The following CELF2 variants were observed in gnomAD, a reference collection of about 807,000 sequenced individuals.
CELF2 encodes the protein CUGBP Elav-like family member 2, also known as CUG triplet repeat RNA-binding protein 2.
Under a neutral mutation model 62.6 loss-of-function variants are expected in CELF2, and 8 were observed. The observed-to-expected ratio is 0.13, with a 90% CI of 0.07 to 0.23. CELF2 has a LOEUF of 0.23. CELF2 is among the 10% of genes least tolerant of loss of function. The pLI, the probability that CELF2 is intolerant of heterozygous loss-of-function variation, is 1.00. For synonymous variants in CELF2, 258 were observed against 250.0 expected, an observed-to-expected ratio of 1.03 and a Z score of -0.30; for missense variants, 333 against 671.0, an observed-to-expected ratio of 0.50 and a Z score of 5.56.
intron 1 of CELF2, among the ~76,000 whole-genome samples, chr10:11,048,836 A>G (rs1220984396): frequency 6.6e-6 from 1 of 152,256 alleles, no homozygotes; most frequent in Non-Finnish European, 1.5e-5. Context: ...GTGTGTGTGC[A>G]CATAAGTGCA....
chr10:11,167,500 C>T (rs2067571057), intron 2 of CELF2, among the ~76,000 whole-genome samples: 1 of 152,218 alleles, frequency 6.6e-6, no homozygotes, highest in African/African-American at 2.4e-5. Flanking sequence ...CCGGGACTTT[C>T]AGCCATGGAA....
chr10:11,257,587 G>A lies in CELF2; in HGVS notation c.404-151G>A, dbSNP rs1364181076. 12 of 717,810 alleles carry A rather than the reference G, an allele frequency of 1.7e-5. No homozygotes were observed. In the Admixed American group the frequency reaches 3.3e-4, roughly 20 times the overall value. The allele number at this position is 717,810 out of a possible 1,614,324, so 44.5% of individuals were successfully genotyped here. On this transcript the variant is annotated intron_variant, in intron 4 of 12. Transcript: ENST00000633077. ...GAGTGGCAGGGTGGGGCGCATGGAGGGAGGAGGACAGCTGGACGTCTGCAG... is the reference window on the plus strand; with the variant it reads ...GAGTGGCAGGGTGGGGCGCATGGAGAGAGGAGGACAGCTGGACGTCTGCAG...
At chr10:11,132,982 GC>G (rs1296453949) in intron 1 of CELF2, among the ~76,000 whole-genome samples, 1 of 152,166 alleles carries the variant, frequency 6.6e-6, no homozygotes, top group African/African-American at 2.4e-5. Flanking sequence ...AGCAGGGATG[GC>G]AGCAATGTTT....
At chr10:11,081,292 A>G (rs889773906) in intron 1 of CELF2, among the ~76,000 whole-genome samples, 5 of 152,232 alleles carry the variant, frequency 3.3e-5, no homozygotes, top group Non-Finnish European at 7.3e-5. Context: ...AAAGACCAGC[A>G]GCCTAGGGGG....
chr10:11,325,016 C>G (rs949139892), intron 11 of CELF2, among the ~76,000 whole-genome samples: 4 of 152,116 alleles, frequency 2.6e-5, no homozygotes, highest in Non-Finnish European at 5.9e-5. Flanking sequence ...ACATGGTGCT[C>G]ATATGGGTGG....
At chr10:11,111,402 A>T (rs1330809085) in intron 1 of CELF2, among the ~76,000 whole-genome samples, 22 of 152,228 alleles carry the variant, frequency 1.4e-4, no homozygotes, top group Admixed American at 1.4e-3. Flanking sequence ...AGTTGTAGTT[A>T]AAAATGATTC....
chr10:10,952,989 G>C (rs1470086706), intron 2 of CELF2, among the ~76,000 whole-genome samples: 1 of 152,140 alleles, frequency 6.6e-6, no homozygotes, highest in Non-Finnish European at 1.5e-5. Context: ...AGTTGGTTCA[G>C]ATGTCTCCAT....
chr10:11,286,591 A>C (rs2091370479), intron 8 of CELF2, among the ~76,000 whole-genome samples: 1 of 152,198 alleles, frequency 6.6e-6, no homozygotes, highest in Non-Finnish European at 1.5e-5. Context: ...GGGCCAGGCA[A>C]TTTGCATATT....
chr10:10,935,421 A>G (rs978274169), intron 2 of CELF2: 1 of 152,226 alleles, frequency 6.6e-6, no homozygotes, highest in Non-Finnish European at 1.5e-5. Context: ...TTCCTATAAA[A>G]GAGCAGAGAT....
chr10:10,836,837 G>A (rs922416770), intron 1 of CELF2, among the ~76,000 whole-genome samples: 3 of 152,042 alleles, frequency 2.0e-5, no homozygotes, highest in South Asian at 2.1e-4. Flanking sequence ...GGGTTTCACC[G>A]CGTTAGCCAG....
Position 11,070,743 on chromosome 10 carries a change from G to A in CELF2, c.74+52580G>A, listed in dbSNP as rs372559387. 1.9e-3 allele frequency among the ~76,000 whole-genome samples: 294 copies of A among 152,308 alleles called. 1 individual carries two copies. The highest frequency in any genetic ancestry group is 6.5e-3 in the African/African-American group (270 of 41,558). ...AGACGGAGGAAGAACAGTGGCATGG[G>A]AGAAAACATGATACTGTGTGAAGGA... On this transcript the variant is annotated intron_variant, in intron 1 of 12. Transcript: ENST00000633077.
At chr10:10,483,520 C>T in the CELF2 span, among the ~76,000 whole-genome samples, 2 of 152,180 alleles carry the variant, frequency 1.3e-5, no homozygotes, top group African/African-American at 4.8e-5. Flanking sequence ...CAATTATTAT[C>T]TCCAAGATCT....
intron 5 of CELF2, among the ~76,000 whole-genome samples, chr10:11,262,275 T>C (rs2080883292): frequency 6.6e-6 from 1 of 152,162 alleles, no homozygotes; most frequent in South Asian, 2.1e-4. Context: ...CTTTTGACTA[T>C]TAAAACATGT....
chr10:10,563,209 G>A, the CELF2 span, among the ~76,000 whole-genome samples: 1 of 152,100 alleles, frequency 6.6e-6, no homozygotes, highest in African/African-American at 2.4e-5. Context: ...CTCTACTGAC[G>A]CTGCTGCCAC....
the CELF2 span, among the ~76,000 whole-genome samples, chr10:10,693,651 T>G: frequency 1.3e-5 from 2 of 151,610 alleles, no homozygotes; most frequent in African/African-American, 2.4e-5. Context: ...TGGACTCTTT[T>G]TGGTTGGTAA....
the CELF2 span, among the ~76,000 whole-genome samples, chr10:10,739,784 C>G: frequency 3.3e-5 from 5 of 152,196 alleles, no homozygotes; most frequent in African/African-American, 4.8e-5. Context: ...TCACAGCCAC[C>G]CTAACAGTTG....
the CELF2 span, among the ~76,000 whole-genome samples, chr10:10,643,028 C>G: frequency 6.6e-6 from 1 of 152,214 alleles, no homozygotes; most frequent in African/African-American, 2.4e-5. Context: ...TTGAGTTCTG[C>G]AGATAAGAAA....
intron 1 of CELF2, among the ~76,000 whole-genome samples, chr10:10,910,386 T>C (rs2063704200): frequency 6.6e-6 from 1 of 152,084 alleles, no homozygotes; most frequent in Non-Finnish European, 1.5e-5. Flanking sequence ...GAGATGTCAC[T>C]TTGTTCACAA....
chr10:10,895,449 A>G (rs112461512), intron 1 of CELF2, among the ~76,000 whole-genome samples: 13 of 152,322 alleles, frequency 8.5e-5, no homozygotes, highest in Admixed American at 3.3e-4. Flanking sequence ...TGTTGCTCAT[A>G]GCAAAATGAA....
Sources: gnomAD v4.1 joint callset for allele counts (sites outside exome capture counted in the v4.1 genomes callset) on GRCh38, gnomAD v4.1.1 for gene constraint, MANE v1.5 for transcripts, NCBI Gene and HGNC (gene_info 2026-07-23, HGNC 2026-07-21) for gene names.